Variants in RHO observed in about 807,000 individuals in gnomAD.
RHO encodes the protein opsin 2, rod pigment.
RHO carries 21 observed loss-of-function variants against 31.2 expected under a neutral mutation model. That is an observed-to-expected ratio of 0.67 (90% CI 0.48 to 0.97). RHO has a LOEUF of 0.97. RHO is among the 50% of genes least tolerant of loss of function. The pLI is 0.00. For missense variants in RHO, 414 were observed against 479.5 expected (o/e 0.86, Z 1.28); for synonymous variants, 211 against 196.6 (o/e 1.07, Z -0.61).
Position 129,530,882 on chromosome 3 carries a change from T to C in RHO, c.368T>C (p.Ile123Thr). Reference protein sequence around the residue: ...EGFFATLGGEIALWSLVVLAI... With the variant: ...EGFFATLGGETALWSLVVLAI... The stretch of plus-strand genomic sequence containing the variant: ...CCTGCTGACTGCCTTGCAGGTGAAA[T>C]TGCCCTGTGGTCCTTGGTGGTCCTG... The change falls in exon 2 of 5, where the codon ATT becomes ACT. Residue 123 changes from isoleucine (I) to threonine (T), a missense_variant. Ile to Thr is a moderately conservative substitution (Grantham distance 89, BLOSUM62 -1). Transcript: ENST00000296271. 1 of 1,614,220 alleles carries C rather than the reference T, an allele frequency of 6.2e-7. No homozygotes were observed. Among genetic ancestry groups the C allele is most frequent in the Non-Finnish European group, 8.5e-7 (1 of 1,180,024 alleles).
Position 129,530,857 on chromosome 3 carries a change from C to T in RHO, c.362-19C>T, listed in dbSNP as rs772533932. On this transcript the variant is annotated intron_variant, in intron 1 of 4. Transcript: ENST00000296271. ...TAGGCAGTGGGGTCTGTGCTGACCG[C>T]CTGCTGACTGCCTTGCAGGTGAAAT... is the stretch of plus-strand genomic sequence containing the variant. 2 of 1,614,118 alleles carry T rather than the reference C, an allele frequency of 1.2e-6. No homozygotes were observed. The highest frequency in any genetic ancestry group is 1.7e-6 in the Non-Finnish European group (2 of 1,180,050).
At chr3:129,529,634 C>T (rs575161157) in intron 1 of RHO, among the ~76,000 whole-genome samples, 1 of 152,326 alleles carries the variant, frequency 6.6e-6, no homozygotes, top group East Asian at 1.9e-4. Context: ...GGCTCGGTCC[C>T]CTCTGGCATC....
chr3:129,529,231 T>G, intron 1 of RHO, 137 bp downstream of exon 1: 1 of 1,157,390 alleles, frequency 8.6e-7, no homozygotes, highest in Non-Finnish European at 1.2e-6. Context: ...AGCCCTCATA[T>G]ATTCAGTCAA....
chr3:129,529,331 T>C (rs1267513138), intron 1 of RHO, among the ~76,000 whole-genome samples: 1 of 152,256 alleles, frequency 6.6e-6, no homozygotes, highest in African/African-American at 2.4e-5. Context: ...AATATGCGCT[T>C]GTCTAATTTC....
intron 1 of RHO, among the ~76,000 whole-genome samples, chr3:129,530,527 ACACACAACAC>A (rs1403779259): frequency 5.7e-5 from 7 of 122,078 alleles, no homozygotes; most frequent in African/African-American, 9.6e-5. Context: ...ACACACACAC[ACACACAACAC>A]ACACACACAC....
rs748429090 is a variant in RHO at position 129,528,861 on chromosome 3, A to G, written c.128A>G (p.Tyr43Cys). Reference protein sequence around the residue: ...EPWQFSMLAAYMFLLIVLGFP... With the variant: ...EPWQFSMLAACMFLLIVLGFP... ...TGGCAGTTCTCCATGCTGGCCGCCT[A>G]CATGTTTCTGCTGATCGTGCTGGGC... Residue 43 changes from tyrosine (Y) to cysteine (C), a missense_variant, in exon 1 of 5, where the codon TAC (tyrosine) becomes TGC (cysteine). Transcript: ENST00000296271. 54 of 1,614,108 alleles carry G rather than the reference A, an allele frequency of 3.3e-5. No individual in the cohort carries two copies. Among genetic ancestry groups the G allele is most frequent in the Non-Finnish European group, 4.5e-5 (53 of 1,180,048 alleles).
rs535230697 is a variant in RHO at position 129,530,055 on chromosome 3, C to T, written c.362-821C>T. Among the ~76,000 whole-genome samples, 13 of 152,324 alleles carry T rather than the reference C, an allele frequency of 8.5e-5. 1 individual carries two copies. In the South Asian group the frequency reaches 2.1e-3, roughly 24 times the overall value. ...CCCTGTCTCCCCCATGTCCAGGCTGCTGCCTCGGTCCCATTCTCAGGGAAT... is the reference window on the plus strand; with the variant it reads ...CCCTGTCTCCCCCATGTCCAGGCTGTTGCCTCGGTCCCATTCTCAGGGAAT... On this transcript the variant is annotated intron_variant, in intron 1 of 4. Coordinates refer to ENST00000296271, the MANE Select transcript of RHO (RefSeq NM_000539.3).
chr3:129,534,086 A>C lies in RHO; in HGVS notation c.*368A>C. 4.3e-6 allele frequency: 1 copy of C among 230,490 alleles called. No individual in the cohort carries two copies. Among genetic ancestry groups the C allele is most frequent in the Admixed American group, 5.1e-5 (1 of 19,436 alleles). 14.3% of individuals were successfully genotyped at this position (230,490 alleles called of 1,614,324 possible). A position where few individuals can be genotyped will look rare whatever the true frequency, so the allele number is the denominator to read the frequency against. ...TGGGGCACACAGTAGGTGCTTAATA[A>C]ATGCTGGATGGATGCAGGAAGGAAT... On this transcript the variant is annotated 3_prime_UTR_variant, in exon 5 of 5. Transcript: ENST00000296271.
chr3:129,531,059 C>A lies in RHO; in HGVS notation c.530+15C>A. ...GGCTGGTCCAGGTAATGGCACTGAG[C>A]AGAAGGGAAGAAGCTCCGGGGGCTC... On this transcript the variant is annotated intron_variant, in intron 2 of 4. Transcript: ENST00000296271. 1 of 1,612,190 alleles carries A rather than the reference C, an allele frequency of 6.2e-7. No homozygotes were observed. The highest frequency in any genetic ancestry group is 8.5e-7 in the Non-Finnish European group (1 of 1,180,016).
In RHO at chr3:129,529,008, C is replaced by T; in HGVS notation, c.275C>T (p.Thr92Ile). 1 of 1,614,218 alleles carries T rather than the reference C, an allele frequency of 6.2e-7. No individual in the cohort carries two copies. Among genetic ancestry groups the T allele is most frequent in the Non-Finnish European group, 8.5e-7 (1 of 1,180,040 alleles). The change falls in exon 1 of 5, where the codon ACC becomes ATC. Residue 92 changes from threonine to isoleucine, a missense_variant. Transcript: ENST00000296271. The part of the protein sequence containing the change: ...ADLFMVLGGF[T>I]STLYTSLHGY... The stretch of plus-strand genomic sequence containing the variant: ...CTCTTCATGGTCCTAGGTGGCTTCA[C>T]CAGCACCCTCTACACCTCTCTGCAT...
intron 4 of RHO, 44 bp from the exon 5 acceptor site, chr3:129,533,564 A>C: frequency 7.0e-7 from 1 of 1,437,306 alleles, no homozygotes; most frequent in Non-Finnish European, 9.8e-7. Context: ...TTCCAAGCAC[A>C]CTGTGGGCAG....
intron 1 of RHO, among the ~76,000 whole-genome samples, chr3:129,530,533 A>ACACACACAC (rs1553781099): frequency 2.8e-4 from 34 of 122,916 alleles, no homozygotes; most frequent in African/African-American, 1.2e-3. Flanking sequence ...ACACACACAC[A>ACACACACAC]ACACACACAC....
chr3:129,530,917 C>A lies in RHO; in HGVS notation c.403C>A (p.Arg135=). 3.1e-6 allele frequency: 5 copies of A among 1,614,258 alleles called. No homozygotes were observed. Among genetic ancestry groups the A allele is most frequent in the Non-Finnish European group, 4.2e-6 (5 of 1,180,052 alleles). The change falls in exon 2 of 5, where the codon CGG becomes AGG. Residue 135 remains arginine (R), a synonymous_variant. Coordinates refer to ENST00000296271, the MANE Select transcript of RHO (RefSeq NM_000539.3). The stretch of plus-strand genomic sequence containing the variant: ...GTCCTTGGTGGTCCTGGCCATCGAG[C>A]GGTACGTGGTGGTGTGTAAGCCCAT... ...LWSLVVLAIE[R]YVVVCKPMSN...
rs751280060 is a variant in RHO at position 129,531,015 on chromosome 3, C to T, written c.501C>T (p.Cys167=). Residue 167 remains cysteine (C), a synonymous_variant, in exon 2 of 5, where the codon TGC becomes TGT. Coordinates refer to ENST00000296271, the MANE Select transcript of RHO (RefSeq NM_000539.3). ...VAFTWVMALA[C]AAPPLAGWSR... is the part of the protein sequence containing the mutation. ...TCACCTGGGTCATGGCGCTGGCCTG[C>T]GCCGCACCCCCACTCGCCGGCTGGT... 12 of 1,614,088 alleles carry T rather than the reference C, an allele frequency of 7.4e-6. No homozygotes were observed. Among genetic ancestry groups the T allele is most frequent in the Middle Eastern group, 1.7e-4 (1 of 6,058 alleles).
rs1488892105 is a variant in RHO at position 129,530,946 on chromosome 3, C to T, written c.432C>T (p.Ser144=). The T allele has an allele frequency of 6.2e-6, 10 of 1,614,150 alleles. No individual in the cohort carries two copies. The African/African-American group carries it at 1.3e-4, about 22-fold the overall frequency. The change falls in exon 2 of 5, where the codon AGC becomes AGT. Residue 144 remains serine (S), a synonymous_variant. Transcript: ENST00000296271. Reference sequence around the variant, plus strand: ...ACGTGGTGGTGTGTAAGCCCATGAGCAACTTCCGCTTCGGGGAGAACCATG... The same window carrying T: ...ACGTGGTGGTGTGTAAGCCCATGAGTAACTTCCGCTTCGGGGAGAACCATG... The part of the protein sequence containing the change: ...ERYVVVCKPM[S]NFRFGENHAI...
Position 129,535,157 on chromosome 3 carries a change from A to C in RHO, c.*1439A>C, listed in dbSNP as rs2084811998. On this transcript the variant is annotated 3_prime_UTR_variant, in exon 5 of 5. Transcript: ENST00000296271. ...TTGGGCCATTAAAAGCTCAGCTCCTATGTTGGTATTAACGGTGGTGGGTTT... is the reference window on the plus strand; with the variant it reads ...TTGGGCCATTAAAAGCTCAGCTCCTCTGTTGGTATTAACGGTGGTGGGTTT... 6.6e-6 allele frequency: 1 copy of C among 152,652 alleles called. No individual in the cohort carries two copies. Among genetic ancestry groups the C allele is most frequent in the Admixed American group, 6.5e-5 (1 of 15,276 alleles). The allele number at this position is 152,652 out of a possible 1,614,324, so 9.5% of individuals were successfully genotyped here.
At position 129,533,593 on chromosome 3, in the gene RHO, C is replaced by G. The variant is rs761784827; in HGVS notation, c.937-15C>G. ...TGGGCAGCCCTGGCCCTGACTCAAG[C>G]CTCTTGCCTTCCAGTTCCGGAACTG... On this transcript the variant is annotated splice_polypyrimidine_tract_variant and intron_variant, in intron 4 of 4. Coordinates refer to ENST00000296271, the MANE Select transcript of RHO (RefSeq NM_000539.3). 2.5e-6 allele frequency: 4 copies of G among 1,600,690 alleles called. No individual in the cohort carries two copies. The highest frequency in any genetic ancestry group is 2.2e-5 in the South Asian group (2 of 90,844).
Position 129,532,312 on chromosome 3 carries a change from G to A in RHO, c.592G>A (p.Val198Ile). 4 of 1,614,006 alleles carry A rather than the reference G, an allele frequency of 2.5e-6. No individual in the cohort carries two copies. Among genetic ancestry groups the A allele is most frequent in the Non-Finnish European group, 3.4e-6 (4 of 1,179,988 alleles). The part of the protein sequence containing the change: ...GIDYYTLKPE[V>I]NNESFVIYMF... The stretch of plus-strand genomic sequence containing the variant: ...CGACTACTACACGCTCAAGCCGGAG[G>A]TCAACAACGAGTCTTTTGTCATCTA... Residue 198 changes from valine (V) to isoleucine (I), a missense_variant, in exon 3 of 5, where the codon GTC becomes ATC. Coordinates refer to ENST00000296271, the MANE Select transcript of RHO (RefSeq NM_000539.3). This position sits in a 1 kb window ranked among gnomAD's most constrained non-coding sequence, Gnocchi z 5.5.
rs750430777 is a variant in RHO at position 129,532,802 on chromosome 3, G to T, written c.936+30G>T. ...CTACTGCGGGTGGGAGGGCCCCAGT[G>T]CCCCAGGCCACAGGCGCTGCCTGCC... is the stretch of plus-strand genomic sequence containing the variant. On this transcript the variant is annotated intron_variant, in intron 4 of 4. Transcript: ENST00000296271. The surrounding 1 kb of genome is among the most constrained non-coding windows in gnomAD (Gnocchi z 5.5). The T allele has an allele frequency of 6.2e-7, 1 of 1,612,918 alleles. No individual in the cohort carries two copies. The highest frequency in any genetic ancestry group is 8.5e-7 in the Non-Finnish European group (1 of 1,180,014).
Sources: gnomAD v4.1 joint callset for allele counts (sites outside exome capture counted in the v4.1 genomes callset) on GRCh38, gnomAD v4.1.1 for gene constraint, Gnocchi (gnomAD v3.1) non-coding constraint, MANE v1.5 for transcripts, NCBI Gene and HGNC (gene_info 2026-07-23, HGNC 2026-07-21) for gene names.